PRDM16: variants seen among roughly 807,000 people sequenced by gnomAD.
PRDM16 encodes histone-lysine N-methyltransferase PRDM16.
A neutral mutation model predicts 110.6 loss-of-function variants in PRDM16; 23 were observed. That is an observed-to-expected ratio of 0.21 (90% CI 0.15 to 0.29). The LOEUF (loss-of-function observed/expected upper bound fraction) is 0.29, where lower values mean the gene tolerates loss of function less well. PRDM16 is among the 10% of genes least tolerant of loss of function. The pLI, the probability that PRDM16 is intolerant of heterozygous loss-of-function variation, is 1.00. For missense variants in PRDM16, 1,615 were observed against 1,794.3 expected (o/e 0.90, Z 1.81); for synonymous variants, 799 against 781.8 (o/e 1.02, Z -0.37).
Position 3,081,378 on chromosome 1 carries a change from G to A in PRDM16, c.37+12082G>A, listed in dbSNP as rs1017542678. Among the ~76,000 whole-genome samples the A allele has an allele frequency of 3.9e-5, 6 of 152,212 alleles. No homozygotes were observed. Among genetic ancestry groups the A allele is most frequent in the Non-Finnish European group, 8.8e-5 (6 of 68,024 alleles). On this transcript the variant is annotated intron_variant, in intron 1 of 16. Transcript: ENST00000270722. This position sits in a 1 kb window ranked among gnomAD's most constrained non-coding sequence, Gnocchi z 4.6. ...GTTCAAAGGGAACGAGGGGCTGGTG[G>A]CCACGGTGGGCGTGAGAGGCCCATT...
intron 3 of PRDM16, among the ~76,000 whole-genome samples, chr1:3,253,050 C>G (rs970088908): frequency 2.6e-5 from 4 of 152,152 alleles, no homozygotes; most frequent in African/African-American, 7.2e-5. Context: ...GCGCTTGTCA[C>G]CCTCGCTTAC....
intron 3 of PRDM16, among the ~76,000 whole-genome samples, chr1:3,349,723 G>A (rs1351742617): frequency 1.3e-5 from 2 of 152,092 alleles, no homozygotes; most frequent in African/African-American, 4.8e-5. Flanking sequence ...CTGCGCTCTG[G>A]GGGTCTTCAA....
At position 3,434,716 on chromosome 1, in the gene PRDM16, T is replaced by G. The variant is rs1346353676; in HGVS notation, c.*905T>G. ...CCCCACCCAAGATCCCTCAATTATA[T>G]GGGGAAGTCGAGGGCCTGTGGCTTG... On this transcript the variant is annotated 3_prime_UTR_variant, in exon 17 of 17. Transcript: ENST00000270722. 1.3e-5 allele frequency: 3 copies of G among 232,406 alleles called. No individual in the cohort carries two copies. Among genetic ancestry groups the G allele is most frequent in the Non-Finnish European group, 2.6e-5 (3 of 117,584 alleles). 14.4% of individuals were successfully genotyped at this position (232,406 alleles called of 1,614,324 possible).
At chr1:3,326,158 A>G (rs537136310) in intron 3 of PRDM16, among the ~76,000 whole-genome samples, 7 of 147,934 alleles carry the variant, frequency 4.7e-5, no homozygotes, top group African/African-American at 1.3e-4. Context: ...CTCGTTGGCC[A>G]TCCTCGACCA....
In PRDM16 at chr1:3,412,364, T is replaced by A. The variant is rs1643706770; in HGVS notation, c.2167T>A (p.Ser723Thr). ...EKKLGSLPYH[S>T]AFPFQFLPNF... is the part of the protein sequence containing the mutation. Reference sequence around the variant, plus strand: ...GAAGCTGGGCTCGCTCCCCTACCACTCGGCGTTCCCCTTCCAGTTCCTGCC... The same window carrying A: ...GAAGCTGGGCTCGCTCCCCTACCACACGGCGTTCCCCTTCCAGTTCCTGCC... The change falls in exon 9 of 17, where the codon TCG becomes ACG. Residue 723 changes from serine (S) to threonine (T), a missense_variant. Physicochemically the swap from Ser to Thr is moderately conservative, Grantham distance 58 (BLOSUM62 1). Coordinates refer to ENST00000270722, the MANE Select transcript of PRDM16 (RefSeq NM_022114.4). 1 of 1,613,430 alleles carries A rather than the reference T, an allele frequency of 6.2e-7. No individual in the cohort carries two copies. Among genetic ancestry groups the A allele is most frequent in the African/African-American group, 1.3e-5 (1 of 74,982 alleles).
chr1:3,211,525 G>A (rs1470099216), intron 2 of PRDM16, among the ~76,000 whole-genome samples: 1 of 152,208 alleles, frequency 6.6e-6, no homozygotes, highest in South Asian at 2.1e-4. Context: ...CAGCAGATTC[G>A]TGTCTTGAAA....
chr1:3,119,905 G>A (rs796440899), intron 1 of PRDM16, among the ~76,000 whole-genome samples: 2 of 152,146 alleles, frequency 1.3e-5, no homozygotes, highest in Non-Finnish European at 1.5e-5. Context: ...CAGCCCCCAG[G>A]ATCCCTGCGG....
chr1:3,357,098 G>A (rs537523932), intron 3 of PRDM16, among the ~76,000 whole-genome samples: 21 of 152,232 alleles, frequency 1.4e-4, no homozygotes, highest in Middle Eastern at 3.4e-3. Flanking sequence ...TCTGCTGTGC[G>A]AAGGACCCCC....
At chr1:3,150,955 A>C (rs1459607696) in intron 1 of PRDM16, among the ~76,000 whole-genome samples, 3 of 65,002 alleles carry the variant, frequency 4.6e-5, no homozygotes, top group Admixed American at 5.6e-4. Flanking sequence ...GAGCTATGGA[A>C]ACGGGGGGCT....
intron 1 of PRDM16, among the ~76,000 whole-genome samples, chr1:3,124,636 C>T (rs570353213): frequency 8.5e-5 from 13 of 152,344 alleles, no homozygotes; most frequent in East Asian, 5.8e-4. Context: ...GCCACATCTG[C>T]GGTCCTGCCA....
At chr1:3,093,985 G>A (rs780910937) in intron 1 of PRDM16, among the ~76,000 whole-genome samples, 4 of 152,226 alleles carry the variant, frequency 2.6e-5, no homozygotes, top group African/African-American at 4.8e-5. Flanking sequence ...GGGCTTCTGC[G>A]ATTCTGTGGT....
Position 3,148,966 on chromosome 1 carries a change from CA to C in PRDM16, c.38-37158del, listed in dbSNP as rs771692535. Among the ~76,000 whole-genome samples the C allele has an allele frequency of 8.7e-4, 132 of 152,300 alleles. No homozygotes were observed. Among genetic ancestry groups the C allele is most frequent in the Middle Eastern group, 3.4e-3 (1 of 294 alleles). ...GGCTGGAGCCCAGCTCTACTGGTAT[CA>C]GGGGGGTCATGGGAGCCCCCCATCC... On this transcript the variant is annotated intron_variant, in intron 1 of 16. Coordinates refer to ENST00000270722, the MANE Select transcript of PRDM16 (RefSeq NM_022114.4). The surrounding 1 kb of genome is among the most constrained non-coding windows in gnomAD (Gnocchi z 5.0).
intron 3 of PRDM16, among the ~76,000 whole-genome samples, chr1:3,283,215 A>G (rs1640754023): frequency 6.6e-6 from 1 of 152,140 alleles, no homozygotes; most frequent in Admixed American, 6.5e-5. Context: ...AGCATATCCC[A>G]GGCACAGCTG....
At chr1:3,381,852 G>A (rs1387634908) in intron 3 of PRDM16, among the ~76,000 whole-genome samples, 1 of 152,240 alleles carries the variant, frequency 6.6e-6, no homozygotes, top group South Asian at 2.1e-4. Flanking sequence ...GAGACAGACA[G>A]AGAGAAGCAG....
intron 12 of PRDM16, among the ~76,000 whole-genome samples, chr1:3,419,515 C>T (rs1436579758): frequency 1.3e-5 from 2 of 152,060 alleles, no homozygotes; most frequent in Non-Finnish European, 2.9e-5. Flanking sequence ...GCATTTTAAG[C>T]GAGAGCCCCA....
chr1:3,070,735 G>T (rs1366760119), intron 1 of PRDM16, among the ~76,000 whole-genome samples: 1 of 152,056 alleles, frequency 6.6e-6, no homozygotes, highest in African/African-American at 2.4e-5. Context: ...CCTCGGCTCG[G>T]GGCCCGCCCG....
At chr1:3,281,064 C>T (rs1480046209) in intron 3 of PRDM16, among the ~76,000 whole-genome samples, 1 of 152,260 alleles carries the variant, frequency 6.6e-6, no homozygotes, top group Non-Finnish European at 1.5e-5. Flanking sequence ...GTCCCTGCAC[C>T]TGTCCAGCCT....
At chr1:3,277,777 G>GCACCCATGCA (rs1366981946) in intron 3 of PRDM16, among the ~76,000 whole-genome samples, 2 of 97,012 alleles carry the variant, frequency 2.1e-5, no homozygotes, top group African/African-American at 1.9e-4. Context: ...GCACACACAC[G>GCACCCATGCA]CACACATATG....
intron 1 of PRDM16, among the ~76,000 whole-genome samples, chr1:3,119,198 A>AGCCTGGCCG (rs1643036378): frequency 2.6e-5 from 4 of 152,026 alleles, no homozygotes; most frequent in Admixed American, 2.6e-4. Context: ...GAGCCTGGCC[A>AGCCTGGCCG]TTTGCTTTCA....
Sources: allele counts gnomAD v4.1 joint callset (sites outside exome capture counted in the v4.1 genomes callset), GRCh38; gene constraint gnomAD v4.1.1; non-coding constraint Gnocchi (gnomAD v3.1); transcripts MANE v1.5; gene names NCBI Gene and HGNC (gene_info 2026-07-23, HGNC 2026-07-21).